Variants in COL11A1 observed in about 807,000 individuals in gnomAD.
The protein encoded by COL11A1 is collagen type XI alpha 1 chain, also known as collagen alpha-1(XI) chain.
Under a neutral mutation model 265.2 loss-of-function variants are expected in COL11A1, and 74 were observed. The observed-to-expected ratio is 0.28, with a 90% CI of 0.23 to 0.34. COL11A1 has a LOEUF of 0.34. COL11A1 is among the 10% of genes least tolerant of loss of function. The pLI, the probability that COL11A1 is intolerant of heterozygous loss-of-function variation, is 1.00. For synonymous variants in COL11A1, 816 were observed against 727.6 expected (o/e 1.12, Z -1.96); for missense variants, 2,165 against 2,263.6 (o/e 0.96, Z 0.88).
intron 36 of COL11A1, among the ~76,000 whole-genome samples, chr1:102,972,886 A>G (rs1662098001): frequency 6.6e-6 from 1 of 151,884 alleles, no homozygotes; most frequent in Non-Finnish European, 1.5e-5. Flanking sequence ...TGTTTTTTAA[A>G]TGGATGGCTG....
At chr1:102,990,544 G>A (rs1272503253) in intron 28 of COL11A1, among the ~76,000 whole-genome samples, 6 of 151,726 alleles carry the variant, frequency 4.0e-5, no homozygotes, top group Non-Finnish European at 5.9e-5. Flanking sequence ...TTTGGGCTAC[G>A]GAAATATTTT....
At chr1:102,994,298 T>C (rs1664415886) in intron 28 of COL11A1, among the ~76,000 whole-genome samples, 1 of 151,806 alleles carries the variant, frequency 6.6e-6, no homozygotes, top group Admixed American at 6.6e-5. Context: ...TGGTGGGGGG[T>C]GATAGGATCA....
At chr1:103,048,157 G>A (rs1339743765) in intron 4 of COL11A1, among the ~76,000 whole-genome samples, 1 of 152,084 alleles carries the variant, frequency 6.6e-6, no homozygotes. Flanking sequence ...TCTATTGATT[G>A]GAATAGTTTC....
rs572967045 is a variant in COL11A1, at chr1:102,891,528, C to T, written c.4303-1024G>A. On this transcript the variant is annotated intron_variant, in intron 57 of 66. Coordinates refer to ENST00000370096, the MANE Select transcript of COL11A1 (RefSeq NM_001854.4). ...AACCAACTCTGTCCTGCCCCCCCGC[C>T]CAAGGAAATTTTCATACTGATGACT... Among the ~76,000 whole-genome samples the T allele has an allele frequency of 3.3e-4, 50 of 151,892 alleles. No homozygotes were observed. In the South Asian group the frequency reaches 8.1e-3, roughly 25 times the overall value.
At chr1:103,108,000 A>C (rs1199354022) in intron 1 of COL11A1, 73 bp downstream of exon 1, 2 of 1,073,962 alleles carry the variant, frequency 1.9e-6, no homozygotes, top group Non-Finnish European at 2.9e-6. Context: ...AGGAAGGGTA[A>C]AGTGGGGGGA....
chr1:103,078,614 A>G, intron 3 of COL11A1, 44 bp downstream of exon 3: 1 of 1,564,794 alleles, frequency 6.4e-7, no homozygotes, highest in South Asian at 1.1e-5. Context: ...AATAAAAAAA[A>G]TGATTTTGGC....
chr1:103,105,149 C>T (rs1674595114), intron 1 of COL11A1, among the ~76,000 whole-genome samples: 1 of 151,938 alleles, frequency 6.6e-6, no homozygotes, highest in Admixed American at 6.6e-5. Context: ...ATAAACTCAT[C>T]TATCTTAAGA....
chr1:103,044,984 C>T (rs897492009), intron 4 of COL11A1, among the ~76,000 whole-genome samples: 5 of 152,020 alleles, frequency 3.3e-5, no homozygotes, highest in African/African-American at 1.2e-4. Context: ...GACAGAGACA[C>T]TTGAGGAACT....
At chr1:102,942,446 A>G (rs901841682) in intron 42 of COL11A1, among the ~76,000 whole-genome samples, 44 of 152,284 alleles carry the variant, frequency 2.9e-4, no homozygotes, top group African/African-American at 9.9e-4. Context: ...TAATTCCTCA[A>G]GATGACATAA....
intron 1 of COL11A1, among the ~76,000 whole-genome samples, chr1:103,097,448 A>G (rs558421289): frequency 1.3e-5 from 2 of 151,914 alleles, no homozygotes; most frequent in Admixed American, 6.6e-5. Context: ...TCAATGCTCA[A>G]TTGGTACTTT....
At chr1:102,927,386 T>C (rs1014711848) in intron 46 of COL11A1, among the ~76,000 whole-genome samples, 1 of 152,020 alleles carries the variant, frequency 6.6e-6, no homozygotes, top group Non-Finnish European at 1.5e-5. Context: ...CCAAGGTTTA[T>C]AGGAAGCAGT....
Position 102,956,938 on chromosome 1 carries a change from T to C in COL11A1, c.3168+4928A>G, listed in dbSNP as rs1173386607. Among the ~76,000 whole-genome samples, 2 of 151,756 alleles carry C rather than the reference T, an allele frequency of 1.3e-5. 1 individual carries two copies. ...AATTTTAAATATTCTATAAAAAGCA[T>C]ACTTGAAAAAAAGAAATTGCAAATA... On this transcript the variant is annotated intron_variant, in intron 41 of 66. Transcript: ENST00000370096.
intron 64 of COL11A1, among the ~76,000 whole-genome samples, chr1:102,882,407 T>C (rs141579116): frequency 0.024 from 3,673 of 152,274 alleles, 66 homozygotes; most frequent in Middle Eastern, 0.044. Flanking sequence ...GGAGCTTTAC[T>C]GTGCTTCATT....
intron 63 of COL11A1, among the ~76,000 whole-genome samples, chr1:102,886,083 G>A (rs959478110): frequency 3.9e-5 from 6 of 152,134 alleles, no homozygotes; most frequent in African/African-American, 1.4e-4. Flanking sequence ...AGACAAAATA[G>A]TTCAACATGC....
intron 18 of COL11A1, 22 bp from the exon 19 acceptor site, chr1:103,004,683 G>A: frequency 6.3e-7 from 1 of 1,593,946 alleles, no homozygotes; most frequent in Non-Finnish European, 8.6e-7. Flanking sequence ...ATACAAATAA[G>A]ATTAGCATAT....
chr1:103,034,315 T>A (rs1425758487), intron 4 of COL11A1, among the ~76,000 whole-genome samples: 1 of 152,130 alleles, frequency 6.6e-6, no homozygotes, highest in African/African-American at 2.4e-5. Context: ...CTGGGACTCC[T>A]ATTATGCCTA....
chr1:103,009,604 C>T (rs1665934604), intron 14 of COL11A1, among the ~76,000 whole-genome samples: 1 of 152,124 alleles, frequency 6.6e-6, no homozygotes, highest in Admixed American at 6.6e-5. Context: ...ATTATAGTTA[C>T]TTCATGCTGA....
At position 102,914,822 on chromosome 1, in the gene COL11A1, T is replaced by G. The variant is rs1293198063; in HGVS notation, c.3817-11A>C. The G allele has an allele frequency of 8.5e-6, 12 of 1,417,788 alleles. No individual in the cohort carries two copies. Among genetic ancestry groups the G allele is most frequent in the Non-Finnish European group, 9.5e-6 (10 of 1,050,324 alleles). The allele number at this position is 1,417,788 out of a possible 1,614,324, so 87.8% of individuals were successfully genotyped here. On this transcript the variant is annotated splice_polypyrimidine_tract_variant and intron_variant, in intron 50 of 66. Transcript: ENST00000370096. ...TTCTCCTTTGGGACCCTAAACAATG[T>G]TAAAAAAAAAAAAAGAAGAAGAAGG...
chr1:102,935,563 T>C (rs1345532617), intron 44 of COL11A1, among the ~76,000 whole-genome samples: 2 of 152,148 alleles, frequency 1.3e-5, no homozygotes, highest in African/African-American at 2.4e-5. Flanking sequence ...ATATGAAAAT[T>C]TGGAATTTTC....
Sources: gnomAD v4.1 joint callset for allele counts (sites outside exome capture counted in the v4.1 genomes callset) on GRCh38, gnomAD v4.1.1 for gene constraint, MANE v1.5 for transcripts, NCBI Gene and HGNC (gene_info 2026-07-23, HGNC 2026-07-21) for gene names.